The following GRIK3 variants were observed in gnomAD, a reference collection of about 807,000 sequenced individuals.
GRIK3 encodes glutamate receptor ionotropic, kainate 3.
In GRIK3, 29 loss-of-function variants were observed where a neutral mutation model predicts 102.5. That is an observed-to-expected ratio of 0.28 (90% confidence interval 0.21 to 0.39). The LOEUF (loss-of-function observed/expected upper bound fraction) is 0.39. Ranked by LOEUF, GRIK3 falls within the 10% of genes least tolerant of loss-of-function variation. The pLI is 1.00. For synonymous variants in GRIK3, 511 were observed against 504.9 expected (o/e 1.01, Z -0.16); for missense variants, 908 against 1,252.4 (o/e 0.73, Z 4.15).
At chr1:36,918,648 C>T (rs374347699) in intron 1 of GRIK3, among the ~76,000 whole-genome samples, 2 of 152,114 alleles carry the variant, frequency 1.3e-5, no homozygotes, top group Non-Finnish European at 2.9e-5. Context: ...CCAGGTGTGT[C>T]CAGCTGTGTC....
chr1:36,944,670 C>A (rs1314769360), intron 1 of GRIK3, among the ~76,000 whole-genome samples: 2 of 152,168 alleles, frequency 1.3e-5, no homozygotes, highest in African/African-American at 4.8e-5. Context: ...CAGTCCTCCA[C>A]CGCACCCCCT....
intron 1 of GRIK3, among the ~76,000 whole-genome samples, chr1:36,993,264 A>C (rs7536924): frequency 0.21 from 32,627 of 151,946 alleles, 3,789 homozygotes; most frequent in Non-Finnish European, 0.26. Context: ...TTGGATGTAC[A>C]TACTGTTTTA....
Position 36,872,132 on chromosome 1 carries a change from G to C in GRIK3, c.732+56C>G, listed in dbSNP as rs1640849076. ...ACACCCACATTTGGGAAGGGGACGT[G>C]GGAGAAGTGGCCAGCAGACCCCAGT... is the stretch of plus-strand genomic sequence containing the variant. On this transcript the variant is annotated intron_variant, in intron 4 of 15. Transcript: ENST00000373091. This position sits in a 1 kb window ranked among gnomAD's most constrained non-coding sequence, Gnocchi z 5.9. 2.7e-6 allele frequency: 4 copies of C among 1,462,478 alleles called. No homozygotes were observed. The highest frequency in any genetic ancestry group is 2.8e-5 in the African/African-American group (2 of 70,662). 90.6% of individuals were successfully genotyped at this position (1,462,478 alleles called of 1,614,324 possible).
chr1:36,907,595 A>T (rs898644404), intron 1 of GRIK3, among the ~76,000 whole-genome samples: 1 of 152,082 alleles, frequency 6.6e-6, no homozygotes, highest in African/African-American at 2.4e-5. Context: ...AGATGAGAGG[A>T]GACAGAAGAC....
chr1:36,912,404 G>A (rs562561479), intron 1 of GRIK3, among the ~76,000 whole-genome samples: 2 of 152,134 alleles, frequency 1.3e-5, no homozygotes, highest in African/African-American at 4.8e-5. Context: ...TTTCTCAATA[G>A]GCCCCAGCAG....
intron 1 of GRIK3, among the ~76,000 whole-genome samples, chr1:36,968,523 G>A (rs1168139982): frequency 6.6e-6 from 1 of 152,100 alleles, no homozygotes; most frequent in Non-Finnish European, 1.5e-5. Flanking sequence ...ACAAGCTTTG[G>A]GCAGCTCTGA....
At chr1:36,829,770 T>A (rs898624822) in intron 10 of GRIK3, among the ~76,000 whole-genome samples, 1 of 152,096 alleles carries the variant, frequency 6.6e-6, no homozygotes, top group Non-Finnish European at 1.5e-5. Context: ...CTCCCCAAAC[T>A]GAAGGTAAGA....
chr1:37,014,373 A>C (rs559418431), intron 1 of GRIK3, among the ~76,000 whole-genome samples: 1 of 152,348 alleles, frequency 6.6e-6, no homozygotes, highest in Non-Finnish European at 1.5e-5. Flanking sequence ...GAAGGGAGGG[A>C]TAGGGAGGGG....
intron 9 of GRIK3, among the ~76,000 whole-genome samples, chr1:36,846,294 C>G (rs1640518396): frequency 6.6e-6 from 1 of 152,202 alleles, no homozygotes; most frequent in Non-Finnish European, 1.5e-5. Flanking sequence ...CCAGAAAGGG[C>G]AGTGCCAGGG....
rs1640536019 is a variant in GRIK3 at position 36,847,884 on chromosome 1, T to A, written c.1326+2427A>T. On this transcript the variant is annotated intron_variant, in intron 9 of 15. Transcript: ENST00000373091. ...CTGGGGTTGTATCTGCCCAGATGCC[T>A]TGCAGCTGAGAGGCTGTGGGACAGA... is the stretch of plus-strand genomic sequence containing the variant. 2.0e-5 allele frequency among the ~76,000 whole-genome samples: 3 copies of A among 152,262 alleles called. 1 individual carries two copies. Among genetic ancestry groups the A allele is most frequent in the African/African-American group, 7.2e-5 (3 of 41,566 alleles).
intron 5 of GRIK3, among the ~76,000 whole-genome samples, chr1:36,864,113 C>CT (rs1415655950): frequency 3.9e-5 from 6 of 152,056 alleles, no homozygotes; most frequent in African/African-American, 1.4e-4. Flanking sequence ...TATAATAGTT[C>CT]TTTTTTCACC....
chr1:36,964,096 G>A (rs1642055445), intron 1 of GRIK3, among the ~76,000 whole-genome samples: 2 of 152,312 alleles, frequency 1.3e-5, no homozygotes, highest in South Asian at 4.1e-4. Context: ...AAGAAGCCGT[G>A]GGCCTGGCCT....
In GRIK3 at chr1:36,795,929, G is replaced by A. The variant is rs1434548414; in HGVS notation, c.*5922C>T. 1 of 152,460 alleles carries A rather than the reference G, an allele frequency of 6.6e-6. No homozygotes were observed. Among genetic ancestry groups the A allele is most frequent in the African/African-American group, 2.4e-5 (1 of 41,452 alleles). The allele number at this position is 152,460 out of a possible 1,614,324, so 9.4% of individuals were successfully genotyped here. On this transcript the variant is annotated 3_prime_UTR_variant, in exon 16 of 16. Transcript: ENST00000373091. ...CTGGGAACTGAGGCCCCTACCATGG[G>A]AGGCCCAACCAGGAAGTCGGCCCAG... is the stretch of plus-strand genomic sequence containing the variant.
chr1:36,902,000 C>G (rs924643939), intron 1 of GRIK3, among the ~76,000 whole-genome samples: 1 of 152,096 alleles, frequency 6.6e-6, no homozygotes, highest in Non-Finnish European at 1.5e-5. Context: ...AGAAAAGAAA[C>G]ACTTGGGTTA....
chr1:37,010,522 C>G (rs1177840107), intron 1 of GRIK3, among the ~76,000 whole-genome samples: 1 of 152,090 alleles, frequency 6.6e-6, no homozygotes, highest in Admixed American at 6.6e-5. Flanking sequence ...AGCTGTGCTA[C>G]AATGATGCTC....
chr1:36,841,620 A>G, intron 10 of GRIK3, 116 bp downstream of exon 10: 1 of 847,326 alleles, frequency 1.2e-6, no homozygotes, highest in Non-Finnish European at 1.9e-6. Flanking sequence ...ATTCATCTCC[A>G]TCACTCCTGT....
chr1:37,003,565 C>A (rs1316925949), intron 1 of GRIK3, among the ~76,000 whole-genome samples: 2 of 152,160 alleles, frequency 1.3e-5, no homozygotes, highest in Non-Finnish European at 2.9e-5. Context: ...CTCCTTCCTG[C>A]CCCTGGCCCA....
intron 2 of GRIK3, among the ~76,000 whole-genome samples, chr1:36,889,126 A>T (rs1003144883): frequency 2.0e-5 from 3 of 151,942 alleles, no homozygotes; most frequent in Non-Finnish European, 4.4e-5. Context: ...CCTCTCTCTC[A>T]CACACACAGG....
chr1:36,937,627 A>G (rs1309034237), intron 1 of GRIK3, among the ~76,000 whole-genome samples: 1 of 152,156 alleles, frequency 6.6e-6, no homozygotes, highest in East Asian at 1.9e-4. Flanking sequence ...AGAGGTGACT[A>G]AGGTTTAGTT....
Sources: gnomAD v4.1 joint callset for allele counts (sites outside exome capture counted in the v4.1 genomes callset) on GRCh38, gnomAD v4.1.1 for gene constraint, Gnocchi (gnomAD v3.1) non-coding constraint, MANE v1.5 for transcripts, NCBI Gene and HGNC (gene_info 2026-07-23, HGNC 2026-07-21) for gene names.